HMGCLL1: variants seen among roughly 807,000 people sequenced by gnomAD.
HMGCLL1 encodes the protein 3-hydroxymethyl-3-methylglutaryl-CoA lyase, cytoplasmic.
A neutral mutation model predicts 39.1 loss-of-function variants in HMGCLL1; 36 were observed. The ratio of observed to expected loss-of-function variants is 0.92; its 90% CI spans 0.71 to 1.22. HMGCLL1 has a LOEUF of 1.22. Ranked by LOEUF, HMGCLL1 falls within the 50% of genes most tolerant of loss-of-function variation. The pLI, the probability that HMGCLL1 is intolerant of heterozygous loss-of-function variation, is 0.00. For missense variants in HMGCLL1, 451 were observed against 416.5 expected (o/e 1.08, Z -0.72); for synonymous variants, 149 against 144.0 (o/e 1.03, Z -0.25).
At chr6:55,569,559 A>G (rs1166121706) in intron 1 of HMGCLL1, among the ~76,000 whole-genome samples, 1 of 152,102 alleles carries the variant, frequency 6.6e-6, no homozygotes, top group Non-Finnish European at 1.5e-5. Flanking sequence ...TCATAGGCAC[A>G]TTTTTTTAAC....
At chr6:55,571,057 A>C (rs1275220509) in intron 1 of HMGCLL1, among the ~76,000 whole-genome samples, 1 of 152,144 alleles carries the variant, frequency 6.6e-6, no homozygotes, top group Non-Finnish European at 1.5e-5. Context: ...ATTATCTCCC[A>C]CCAGGTCCCT....
intron 7 of HMGCLL1, among the ~76,000 whole-genome samples, chr6:55,467,022 T>C (rs1764823223): frequency 6.6e-6 from 1 of 152,096 alleles, no homozygotes; most frequent in Admixed American, 6.6e-5. Flanking sequence ...ATCTTGAACT[T>C]GATGCTTCAA....
the HMGCLL1 span, among the ~76,000 whole-genome samples, chr6:55,610,101 C>A: frequency 6.6e-6 from 1 of 152,008 alleles, no homozygotes; most frequent in African/African-American, 2.4e-5. Flanking sequence ...ATGCTGAAAA[C>A]CCAAAATGTC....
chr6:55,644,301 C>T, the HMGCLL1 span, among the ~76,000 whole-genome samples: 14 of 151,882 alleles, frequency 9.2e-5, no homozygotes, highest in Admixed American at 8.6e-4. Context: ...TTATTAATCC[C>T]TTGTCAGATA....
chr6:55,480,860 T>TTAAGTG (rs1765706785), intron 7 of HMGCLL1, among the ~76,000 whole-genome samples: 1 of 152,126 alleles, frequency 6.6e-6, no homozygotes, highest in Non-Finnish European at 1.5e-5. Flanking sequence ...GGTCATTATG[T>TTAAGTG]TAAGTGAAAT....
At chr6:55,650,850 C>A in the HMGCLL1 span, among the ~76,000 whole-genome samples, 8 of 152,016 alleles carry the variant, frequency 5.3e-5, no homozygotes, top group Non-Finnish European at 8.8e-5. Context: ...TTCTGCCAGG[C>A]CACCACGAAT....
intron 5 of HMGCLL1, among the ~76,000 whole-genome samples, chr6:55,511,419 G>T (rs1490179961): frequency 6.6e-6 from 1 of 152,082 alleles, no homozygotes; most frequent in Non-Finnish European, 1.5e-5. Context: ...CAGTGAGTGT[G>T]TGGGGGGAAT....
chr6:55,576,349 A>G (rs1308334906), intron 1 of HMGCLL1, among the ~76,000 whole-genome samples: 1 of 152,192 alleles, frequency 6.6e-6, no homozygotes, highest in African/African-American at 2.4e-5. Flanking sequence ...ATAGAACTCA[A>G]AAAAGGCCAC....
rs1422658444 is a variant in HMGCLL1, at chr6:55,542,339, A to G, written c.109-199T>C. On this transcript the variant is annotated intron_variant, in intron 1 of 8. Transcript: ENST00000274901. The stretch of plus-strand genomic sequence containing the variant: ...AGTATTTTTTCCTTATAACCAAGTG[A>G]TATTTAGTCTAGTTATGATTAAAAT... Among the ~76,000 whole-genome samples the G allele has an allele frequency of 2.0e-5, 3 of 152,144 alleles. No homozygotes were observed. In the East Asian group the frequency reaches 5.8e-4, roughly 29 times the overall value.
intron 6 of HMGCLL1, among the ~76,000 whole-genome samples, chr6:55,496,666 G>C (rs963186467): frequency 6.6e-6 from 1 of 152,046 alleles, no homozygotes; most frequent in African/African-American, 2.4e-5. Context: ...CTCATAGGAA[G>C]TGCAACTAGT....
chr6:55,669,484 A>G, the HMGCLL1 span, among the ~76,000 whole-genome samples: 4 of 151,936 alleles, frequency 2.6e-5, no homozygotes, highest in Admixed American at 1.3e-4. Context: ...TACTTGGATT[A>G]TGAAGAAAAA....
the HMGCLL1 span, among the ~76,000 whole-genome samples, chr6:55,606,199 C>T: frequency 6.6e-6 from 1 of 152,062 alleles, no homozygotes; most frequent in African/African-American, 2.4e-5. Context: ...AGAAGTTCAC[C>T]TTCCGATAAA....
At chr6:55,546,074 C>T (rs1769952379) in intron 1 of HMGCLL1, among the ~76,000 whole-genome samples, 1 of 152,084 alleles carries the variant, frequency 6.6e-6, no homozygotes, top group Non-Finnish European at 1.5e-5. Context: ...GCTAGAAAAA[C>T]ATTCTTGAAA....
chr6:55,578,973 A>C lies in HMGCLL1; in HGVS notation c.83T>G (p.Val28Gly), dbSNP rs1454250411. The C allele has an allele frequency of 6.2e-7, 1 of 1,613,314 alleles. No individual in the cohort carries two copies. The highest frequency in any genetic ancestry group is 1.3e-5 in the African/African-American group (1 of 74,914). ...CTGCGCGGGGTCGAGCGCCCCTGCC[A>C]CTGAATCCCCGATCCAGAGATGCTC... ...LREHLWIGDS[V>G]AGALDPAQET... is the part of the protein sequence containing the mutation. Residue 28 changes from valine to glycine, a missense_variant, in exon 1 of 9, where the codon GTG becomes GGG. Val to Gly is a moderately radical substitution (Grantham distance 109). Transcript: ENST00000274901.
At chr6:55,610,161 A>C in the HMGCLL1 span, among the ~76,000 whole-genome samples, 2 of 152,102 alleles carry the variant, frequency 1.3e-5, no homozygotes, top group Admixed American at 1.3e-4. Flanking sequence ...CAGCTAGGGT[A>C]CAGAACTGGA....
intron 3 of HMGCLL1, among the ~76,000 whole-genome samples, chr6:55,530,849 T>C (rs1184757308): frequency 6.6e-6 from 1 of 152,212 alleles, no homozygotes; most frequent in Non-Finnish European, 1.5e-5. Context: ...AATCACTTTA[T>C]TTTTATTTTT....
chr6:55,456,862 C>T (rs148784779), intron 7 of HMGCLL1, among the ~76,000 whole-genome samples: 2,224 of 152,240 alleles, frequency 0.015, 30 homozygotes, highest in Non-Finnish European at 0.025. Context: ...CCAGGAGTGC[C>T]TCCTTAACAG....
At chr6:55,545,135 G>A (rs1211223465) in intron 1 of HMGCLL1, among the ~76,000 whole-genome samples, 2 of 149,286 alleles carry the variant, frequency 1.3e-5, no homozygotes, top group African/African-American at 2.5e-5. Flanking sequence ...ATTGTTTCTT[G>A]AAACTGCATT....
intron 3 of HMGCLL1, among the ~76,000 whole-genome samples, chr6:55,535,630 C>T (rs1768973162): frequency 6.6e-6 from 1 of 152,132 alleles, no homozygotes. Flanking sequence ...CCAACATTCT[C>T]CTCTCCTCTA....
Sources: allele counts gnomAD v4.1 joint callset (sites outside exome capture counted in the v4.1 genomes callset), GRCh38; gene constraint gnomAD v4.1.1; transcripts MANE v1.5; gene names NCBI Gene and HGNC (gene_info 2026-07-23, HGNC 2026-07-21).